The following PCDH9 variants were observed in gnomAD, a reference collection of about 807,000 sequenced individuals.
PCDH9 encodes the protein protocadherin-9.
PCDH9 carries 24 observed loss-of-function variants against 70.6 expected under a neutral mutation model. The ratio of observed to expected loss-of-function variants is 0.34; its 90% CI spans 0.25 to 0.48. The LOEUF is 0.48. Among genes scored for constraint, PCDH9 ranks in the 20% least tolerant of loss-of-function variants. PCDH9 has a pLI of 0.99. For missense variants in PCDH9, 1,281 were observed against 1,503.6 expected (o/e 0.85, Z 2.45); for synonymous variants, 562 against 558.5 (o/e 1.01, Z -0.09).
chr13:66,967,503 G>T (rs2083449831), intron 2 of PCDH9, among the ~76,000 whole-genome samples: 1 of 152,002 alleles, frequency 6.6e-6, no homozygotes, highest in South Asian at 2.1e-4. Context: ...AGTTCTTTAG[G>T]AGAGTGCTGT....
chr13:67,187,395 T>C (rs543966822), intron 2 of PCDH9, among the ~76,000 whole-genome samples: 2 of 152,296 alleles, frequency 1.3e-5, no homozygotes, highest in Admixed American at 6.5e-5. Context: ...TTGATTTATA[T>C]AGTATGGCTT....
chr13:66,326,068 A>G (rs922911301), intron 4 of PCDH9, among the ~76,000 whole-genome samples: 1 of 152,120 alleles, frequency 6.6e-6, no homozygotes, highest in African/African-American at 2.4e-5. Flanking sequence ...GAAAACTCCA[A>G]CCGCCTTGTT....
intron 3 of PCDH9, among the ~76,000 whole-genome samples, chr13:66,824,705 C>G (rs1450204121): frequency 1.5e-5 from 2 of 134,320 alleles, no homozygotes; most frequent in Non-Finnish European, 3.2e-5. Context: ...TATGCACACA[C>G]ACATATATAT....
At chr13:66,416,062 T>A (rs1001652726) in intron 4 of PCDH9, among the ~76,000 whole-genome samples, 3 of 152,194 alleles carry the variant, frequency 2.0e-5, no homozygotes, top group Admixed American at 2.0e-4. Context: ...CATTATTAAA[T>A]CCTAAGTGTT....
Position 67,228,415 on chromosome 13 carries a change from A to G in PCDH9, c.26T>C (p.Leu9Ser), listed in dbSNP as rs1364761703. MDLRDFYLLAALIACLRLD... is the reference protein window; with the variant it reads MDLRDFYLSAALIACLRLD... The stretch of plus-strand genomic sequence containing the variant: ...CCTTAAACAGGCAATCAGAGCAGCC[A>G]ACAGGTAAAAATCCCTCAGGTCCAT... The change falls in exon 2 of 5, where the codon TTG becomes TCG. Residue 9 changes from leucine to serine, a missense_variant. Leu to Ser is a moderately radical substitution (Grantham distance 145). Transcript: ENST00000377865. The G allele has an allele frequency of 6.3e-7, 1 of 1,591,780 alleles. No individual in the cohort carries two copies. The highest frequency in any genetic ancestry group is 1.1e-5 in the South Asian group (1 of 87,260).
intron 3 of PCDH9, among the ~76,000 whole-genome samples, chr13:66,770,413 AGTATGCCCAAAAGTCT>A (rs1385099409): frequency 2.3e-5 from 3 of 128,446 alleles, no homozygotes; most frequent in African/African-American, 8.5e-5. Context: ...AGGTTTTAGT[AGTATGCCCAAAAGTCT>A]TAGATGAAGC....
chr13:66,515,762 A>G (rs1162988602), intron 4 of PCDH9, among the ~76,000 whole-genome samples: 6 of 152,072 alleles, frequency 3.9e-5, no homozygotes, highest in Non-Finnish European at 7.4e-5. Context: ...ATTATGTAGA[A>G]GAATTGTAAA....
intron 2 of PCDH9, among the ~76,000 whole-genome samples, chr13:67,120,572 T>C (rs2086857795): frequency 6.6e-6 from 1 of 152,166 alleles, no homozygotes; most frequent in South Asian, 2.1e-4. Context: ...TACCCCTAGC[T>C]GTTCCCCTTC....
At chr13:66,675,751 C>A (rs188536299) in intron 3 of PCDH9, among the ~76,000 whole-genome samples, 2 of 152,122 alleles carry the variant, frequency 1.3e-5, no homozygotes, top group East Asian at 3.9e-4. Context: ...TTTTCCTTAA[C>A]CTGTCCTTCA....
intron 2 of PCDH9, chr13:67,201,633 AT>A (rs2089214789): frequency 6.6e-6 from 1 of 152,002 alleles, no homozygotes. Flanking sequence ...TCTTGAGCCA[AT>A]TTTTTGTGTA....
At chr13:66,666,143 C>T (rs2078093843) in intron 3 of PCDH9, among the ~76,000 whole-genome samples, 1 of 152,178 alleles carries the variant, frequency 6.6e-6, no homozygotes, top group African/African-American at 2.4e-5. Flanking sequence ...AGTCAGAAAC[C>T]AAGGACTGGT....
At chr13:66,762,811 G>C (rs2079650117) in intron 3 of PCDH9, among the ~76,000 whole-genome samples, 1 of 151,878 alleles carries the variant, frequency 6.6e-6, no homozygotes, top group Admixed American at 6.6e-5. Flanking sequence ...CCAGGTTATT[G>C]AGTCAGCTGA....
chr13:66,608,068 C>A (rs1326559799), intron 4 of PCDH9, among the ~76,000 whole-genome samples: 3 of 151,864 alleles, frequency 2.0e-5, no homozygotes. Flanking sequence ...AAGAAATATT[C>A]TTCTATGGGA....
intron 2 of PCDH9, among the ~76,000 whole-genome samples, chr13:67,018,115 C>T (rs531709120): frequency 2.0e-5 from 3 of 152,236 alleles, no homozygotes; most frequent in Non-Finnish European, 4.4e-5. Flanking sequence ...TGGACACTAT[C>T]TTGTAATAGC....
intron 2 of PCDH9, among the ~76,000 whole-genome samples, chr13:66,912,178 C>A (rs1329560417): frequency 6.6e-6 from 1 of 152,062 alleles, no homozygotes; most frequent in Admixed American, 6.6e-5. Context: ...TGAACATTTC[C>A]AGATTAAATT....
chr13:66,477,984 C>G (rs1010258462), intron 4 of PCDH9, among the ~76,000 whole-genome samples: 30 of 152,136 alleles, frequency 2.0e-4, no homozygotes, highest in African/African-American at 7.2e-4. Flanking sequence ...ACATTTTTTA[C>G]AAATTGATAG....
intron 4 of PCDH9, among the ~76,000 whole-genome samples, chr13:66,319,637 A>C (rs996459060): frequency 6.6e-6 from 1 of 152,034 alleles, no homozygotes; most frequent in African/African-American, 2.4e-5. Context: ...GTAGGAAACT[A>C]TCATTACCCC....
intron 4 of PCDH9, among the ~76,000 whole-genome samples, chr13:66,396,288 C>T (rs572676161): frequency 1.3e-5 from 2 of 152,216 alleles, no homozygotes; most frequent in Admixed American, 1.3e-4. Flanking sequence ...TTTCAACTCC[C>T]CTTTATGAAT....
intron 3 of PCDH9, among the ~76,000 whole-genome samples, chr13:66,638,783 C>A (rs899981863): frequency 6.6e-6 from 1 of 152,126 alleles, no homozygotes; most frequent in African/African-American, 2.4e-5. Context: ...ATTGTCCATC[C>A]TTCAGTGTGA....
Sources: gnomAD v4.1 joint callset for allele counts (sites outside exome capture counted in the v4.1 genomes callset) on GRCh38, gnomAD v4.1.1 for gene constraint, MANE v1.5 for transcripts, NCBI Gene and HGNC (gene_info 2026-07-23, HGNC 2026-07-21) for gene names.